RNF8: variants seen among roughly 807,000 people sequenced by gnomAD.
RNF8 encodes E3 ubiquitin-protein ligase RNF8.
RNF8 carries 8 observed loss-of-function variants against 59.3 expected under a neutral mutation model. The observed-to-expected ratio is 0.13, with a 90% confidence interval of 0.08 to 0.24. RNF8 has a LOEUF of 0.24. Ranked by LOEUF, RNF8 falls within the 10% of genes least tolerant of loss-of-function variation. The pLI is 1.00. For synonymous variants in RNF8, 162 were observed against 200.0 expected, an observed-to-expected ratio of 0.81 and a Z score of 1.60; for missense variants, 406 against 572.6, an observed-to-expected ratio of 0.71 and a Z score of 2.97.
intron 6 of RNF8, among the ~76,000 whole-genome samples, chr6:37,378,564 G>A (rs867755289): frequency 2.3e-4 from 31 of 135,534 alleles, no homozygotes; most frequent in Admixed American, 1.7e-3. Context: ...TCGCACCACT[G>A]CACTCCAGCA....
chr6:37,390,677 C>T, intron 7 of RNF8, 65 bp from the exon 8 acceptor site: 2 of 1,228,648 alleles, frequency 1.6e-6, no homozygotes, highest in Non-Finnish European at 1.2e-6. Flanking sequence ...AGGCTGGAAG[C>T]AGGGAGTCCA....
At position 37,354,024 on chromosome 6, in the gene RNF8, C is replaced by T; in HGVS notation, c.-141C>T. 2 of 763,162 alleles carry T rather than the reference C, an allele frequency of 2.6e-6. No individual in the cohort carries two copies. The highest frequency in any genetic ancestry group is 3.2e-5 in the South Asian group (2 of 61,770). The allele number at this position is 763,162 out of a possible 1,614,324, so 47.3% of individuals were successfully genotyped here. ...CTGGCCGAGGGCGGGCGAGCGGAGC[C>T]TGCTTTCGCAGCGATCGCGAGCGTG... On this transcript the variant is annotated 5_prime_UTR_variant, in exon 1 of 8. Coordinates refer to ENST00000373479, the MANE Select transcript of RNF8 (RefSeq NM_003958.4).
chr6:37,381,188 C>T lies in RNF8; in HGVS notation c.1275C>T (p.Tyr425=). The part of the protein sequence containing the change: ...TLNCAHSFCS[Y]CINEWMKRKI... ...ACTGTGCCCACAGTTTCTGCTCCTA[C>T]TGTATCAATGAATGGATGAAGCGGA... Residue 425 remains tyrosine, a synonymous_variant, in exon 7 of 8, where the codon TAC becomes TAT. Coordinates refer to ENST00000373479, the MANE Select transcript of RNF8 (RefSeq NM_003958.4). 2 of 1,614,186 alleles carry T rather than the reference C, an allele frequency of 1.2e-6. No individual in the cohort carries two copies. The highest frequency in any genetic ancestry group is 8.5e-7 in the Non-Finnish European group (1 of 1,180,040).
At position 37,385,855 on chromosome 6, in the gene RNF8, AT is replaced by A. The variant is rs771282241; in HGVS notation, c.1441+4518del. ...CTCTGTTTAATTTCTTTCCTTTGTC[AT>A]TTTTTTTTTTTTTTTTGAAAAAGGC... is the stretch of plus-strand genomic sequence containing the variant. On this transcript the variant is annotated intron_variant, in intron 7 of 7. Transcript: ENST00000373479. Among the ~76,000 whole-genome samples, 987 of 117,098 alleles carry A rather than the reference AT, an allele frequency of 8.4e-3. 1 individual carries two copies. The highest frequency in any genetic ancestry group is 0.017 in the African/African-American group (556 of 33,250). The allele number at this position is 117,098 out of a possible 152,430, so 76.8% of individuals were successfully genotyped here.
intron 7 of RNF8, among the ~76,000 whole-genome samples, chr6:37,384,139 T>TC: frequency 6.6e-6 from 1 of 151,300 alleles, no homozygotes; most frequent in East Asian, 1.9e-4. Flanking sequence ...CTATTTTTTT[T>TC]TTTTTTTTTT....
Position 37,391,617 on chromosome 6 carries a change from G to A in RNF8, c.*859G>A, listed in dbSNP as rs1342349346. On this transcript the variant is annotated 3_prime_UTR_variant, in exon 8 of 8. Transcript: ENST00000373479. ...TCTTTATTTTTCTTTTACATTAGAA[G>A]TTTTCTCTCTTTTCTCCACCTCTCC... 6.6e-6 allele frequency: 1 copy of A among 152,080 alleles called. No homozygotes were observed. Among genetic ancestry groups the A allele is most frequent in the African/African-American group, 2.4e-5 (1 of 41,422 alleles). The allele number at this position is 152,080 out of a possible 1,614,324, so 9.4% of individuals were successfully genotyped here.
chr6:37,367,935 A>G (rs1468204996), intron 2 of RNF8, among the ~76,000 whole-genome samples: 1 of 152,198 alleles, frequency 6.6e-6, no homozygotes, highest in Non-Finnish European at 1.5e-5. Flanking sequence ...TGTATTGCCC[A>G]TATACCCCTG....
chr6:37,372,945 G>A (rs903262120), intron 4 of RNF8, among the ~76,000 whole-genome samples: 1 of 152,066 alleles, frequency 6.6e-6, no homozygotes, highest in Non-Finnish European at 1.5e-5. Context: ...CTCCAGCCTG[G>A]GCAACAAGAC....
intron 5 of RNF8, among the ~76,000 whole-genome samples, chr6:37,375,390 G>GC (rs970861585): frequency 2.0e-5 from 3 of 152,166 alleles, no homozygotes; most frequent in African/African-American, 7.2e-5. Context: ...TTAAATATTG[G>GC]CAACAACTTC....
In RNF8 at chr6:37,394,150, G is replaced by T. The variant is rs1770798891; in HGVS notation, c.*3392G>T. ...CCTAATCTAAGATCAGGAGAATCCT[G>T]GAATTGTTATCTGTCTCTTGCTCTG... On this transcript the variant is annotated 3_prime_UTR_variant, in exon 8 of 8. Coordinates refer to ENST00000373479, the MANE Select transcript of RNF8 (RefSeq NM_003958.4). 6.6e-6 allele frequency: 1 copy of T among 152,204 alleles called. No individual in the cohort carries two copies. The highest frequency in any genetic ancestry group is 1.5e-5 in the Non-Finnish European group (1 of 68,064). The allele number at this position is 152,204 out of a possible 1,614,324, so 9.4% of individuals were successfully genotyped here.
chr6:37,361,220 A>G (rs1769308626), intron 2 of RNF8: 2 of 454,496 alleles, frequency 4.4e-6, no homozygotes, highest in East Asian at 6.9e-5. Flanking sequence ...AGTCCCAACT[A>G]CTGGAGAAGC....
intron 3 of RNF8, among the ~76,000 whole-genome samples, chr6:37,369,479 A>G (rs1769709784): frequency 6.6e-6 from 1 of 152,242 alleles, no homozygotes; most frequent in Non-Finnish European, 1.5e-5. Context: ...CAGCCAGGGC[A>G]TAACTCATCC....
intron 3 of RNF8, among the ~76,000 whole-genome samples, chr6:37,371,301 CA>C (rs1369600026): frequency 1.3e-5 from 2 of 152,178 alleles, no homozygotes; most frequent in African/African-American, 4.8e-5. Flanking sequence ...TTAAAGCCGA[CA>C]GTCCTGAAGT....
chr6:37,385,402 G>A (rs1031450548), intron 7 of RNF8, among the ~76,000 whole-genome samples: 14 of 151,496 alleles, frequency 9.2e-5, no homozygotes, highest in East Asian at 4.0e-4. Context: ...CTGAGGGGGC[G>A]TGGATCATGA....
intron 2 of RNF8, among the ~76,000 whole-genome samples, chr6:37,363,483 C>T (rs368236858): frequency 1.4e-4 from 22 of 152,136 alleles, no homozygotes; most frequent in African/African-American, 5.3e-4. Context: ...GAGACAAGCA[C>T]TTCACAAAAG....
intron 6 of RNF8, among the ~76,000 whole-genome samples, chr6:37,378,600 CAA>C (rs554259061): frequency 1.1e-4 from 6 of 56,550 alleles, no homozygotes; most frequent in East Asian, 5.5e-4. Flanking sequence ...GACTCCGTCT[CAA>C]AAAAAAAAAA....
intron 3 of RNF8, among the ~76,000 whole-genome samples, chr6:37,370,629 C>T (rs1027782538): frequency 1.3e-5 from 2 of 151,518 alleles, no homozygotes; most frequent in African/African-American, 4.9e-5. Flanking sequence ...TCCCTCTGCC[C>T]ACCAAGCCCT....
rs559103217 is a variant in RNF8 at position 37,389,444 on chromosome 6, C to T, written c.1442-1298C>T. Reference sequence around the variant, plus strand: ...CTGTGACTAAGATGGGGAGGACCACCACCAAAAGAAGGCTGTATTTGGAGG... The same window carrying T: ...CTGTGACTAAGATGGGGAGGACCACTACCAAAAGAAGGCTGTATTTGGAGG... On this transcript the variant is annotated intron_variant, in intron 7 of 7. Transcript: ENST00000373479. 4.0e-5 allele frequency among the ~76,000 whole-genome samples: 6 copies of T among 151,868 alleles called. No individual in the cohort carries two copies. The South Asian group carries it at 1.3e-3, about 32-fold the overall frequency.
chr6:37,363,081 C>T (rs938231781), intron 2 of RNF8, among the ~76,000 whole-genome samples: 1 of 152,180 alleles, frequency 6.6e-6, no homozygotes, highest in South Asian at 2.1e-4. Context: ...CTTTCCCATT[C>T]TTACCCTCCT....
Sources: allele counts gnomAD v4.1 joint callset (sites outside exome capture counted in the v4.1 genomes callset), GRCh38; gene constraint gnomAD v4.1.1; transcripts MANE v1.5; gene names NCBI Gene and HGNC (gene_info 2026-07-23, HGNC 2026-07-21).